WDPCP: variants seen among roughly 807,000 people sequenced by gnomAD.
WDPCP encodes the protein WD repeat-containing and planar cell polarity effector protein fritz homolog.
WDPCP carries 71 observed loss-of-function variants against 93.1 expected under a neutral mutation model. The observed-to-expected ratio is 0.76, with a 90% CI of 0.63 to 0.93. The LOEUF is 0.93. Among genes scored for constraint, WDPCP ranks in the 40% least tolerant of loss-of-function variants. The pLI is 0.00. For missense variants in WDPCP, 844 were observed against 887.4 expected (o/e 0.95, Z 0.62); for synonymous variants, 315 against 315.0 (o/e 1.00, Z 0.00).
chr2:63,731,861 C>A (rs1339410546), intron 2 of WDPCP, among the ~76,000 whole-genome samples: 1 of 152,018 alleles, frequency 6.6e-6, no homozygotes, highest in African/African-American at 2.4e-5. Context: ...GGATAAGATA[C>A]CAAAGGAAGG....
rs62138763 is a variant in WDPCP at position 63,744,232 on chromosome 2, G to A, written n.308+69390C>T. 7.2e-3 allele frequency among the ~76,000 whole-genome samples: 1,092 copies of A among 152,200 alleles called. 7 individuals carry two copies. The highest frequency in any genetic ancestry group is 0.014 in the Middle Eastern group (4 of 294). On this transcript the variant is annotated intron_variant and non_coding_transcript_variant, in intron 2 of 4. Transcript: ENST00000467687. ...TTTACAGCTTCAGTTTAAGGAAATG[G>A]TGCCTTCTTCTTTGTTTCCAATATA...
chr2:63,127,419 G>A (rs911365439), intron 17 of WDPCP, among the ~76,000 whole-genome samples: 22 of 151,616 alleles, frequency 1.5e-4, no homozygotes, highest in East Asian at 5.8e-4. Flanking sequence ...CACCGCACCC[G>A]GCCTGAAAAT....
At chr2:63,717,303 AG>A in intron 2 of WDPCP, 1 of 535,996 alleles carries the variant, frequency 1.9e-6, no homozygotes, top group East Asian at 4.9e-5. Context: ...AGATGGTGGC[AG>A]GCCAAATCAC....
At chr2:63,751,755 T>G (rs1669886241) in intron 2 of WDPCP, 1 of 585,180 alleles carries the variant, frequency 1.7e-6, no homozygotes, top group Non-Finnish European at 3.2e-6. Context: ...ACCTTGGTTT[T>G]GTGGTTTGGC....
At chr2:63,386,212 T>G (rs1360431370) in intron 10 of WDPCP, among the ~76,000 whole-genome samples, 1 of 152,026 alleles carries the variant, frequency 6.6e-6, no homozygotes, top group Non-Finnish European at 1.5e-5. Flanking sequence ...GAACTGAATT[T>G]CATTAAAATT....
the WDPCP span, among the ~76,000 whole-genome samples, chr2:63,839,629 G>C: frequency 2.0e-5 from 3 of 152,254 alleles, no homozygotes; most frequent in Non-Finnish European, 4.4e-5. Context: ...TGCAGGCTAA[G>C]TAACCCTACG....
chr2:63,157,703 C>T (rs941110743), intron 15 of WDPCP, among the ~76,000 whole-genome samples: 1 of 152,170 alleles, frequency 6.6e-6, no homozygotes, highest in African/African-American at 2.4e-5. Context: ...TTTTTATCTA[C>T]TTAATGTCGG....
intron 12 of WDPCP, among the ~76,000 whole-genome samples, chr2:63,348,089 CACTT>C (rs1283983289): frequency 1.3e-5 from 2 of 152,132 alleles, no homozygotes; most frequent in African/African-American, 4.8e-5. Flanking sequence ...TAATAGCTAT[CACTT>C]ACAAAGTACT....
At chr2:63,769,268 T>C (rs923823947) in intron 2 of WDPCP, among the ~76,000 whole-genome samples, 1 of 151,868 alleles carries the variant, frequency 6.6e-6, no homozygotes, top group Non-Finnish European at 1.5e-5. Context: ...ATAGTAATAA[T>C]GCAACTGTCT....
At chr2:63,372,555 T>A (rs1388539438) in intron 12 of WDPCP, among the ~76,000 whole-genome samples, 2 of 152,146 alleles carry the variant, frequency 1.3e-5, no homozygotes, top group East Asian at 3.9e-4. Flanking sequence ...TAGTCTCCAC[T>A]TGTTGGACTC....
intron 12 of WDPCP, among the ~76,000 whole-genome samples, chr2:63,352,776 G>A (rs1294954881): frequency 2.0e-5 from 3 of 152,120 alleles, no homozygotes; most frequent in Non-Finnish European, 4.4e-5. Context: ...ATACATAAAG[G>A]AATGACACAT....
intron 12 of WDPCP, among the ~76,000 whole-genome samples, chr2:63,339,223 G>C (rs553530378): frequency 6.6e-6 from 1 of 151,970 alleles, no homozygotes; most frequent in Non-Finnish European, 1.5e-5. Context: ...ACCCAGGCTA[G>C]AGGGCAGTGG....
intron 2 of WDPCP, among the ~76,000 whole-genome samples, chr2:63,687,169 C>T (rs902599472): frequency 2.0e-5 from 3 of 152,130 alleles, no homozygotes; most frequent in Non-Finnish European, 1.5e-5. Context: ...GCATGCAGCC[C>T]AAGGGCCATG....
chr2:63,670,269 C>T (rs1710329699), intron 2 of WDPCP, among the ~76,000 whole-genome samples: 1 of 152,300 alleles, frequency 6.6e-6, no homozygotes, highest in Middle Eastern at 3.4e-3. Flanking sequence ...AGTTCTGCTG[C>T]AGTCGTGGCG....
At position 63,588,153 on chromosome 2, in the gene WDPCP, C is replaced by T. The variant is rs1474241825; in HGVS notation, c.75+44G>A. The T allele has an allele frequency of 3.9e-6, 6 of 1,549,934 alleles. No individual in the cohort carries two copies. The Admixed American group carries it at 5.9e-5, about 15-fold the overall frequency. ...ACGGCGCACCAACCGCATTCCGGAT[C>T]CTAAGGTTAAAAGAAAACCCCTTGC... is the stretch of plus-strand genomic sequence containing the variant. On this transcript the variant is annotated intron_variant, in intron 1 of 17. Coordinates refer to ENST00000272321, the MANE Select transcript of WDPCP (RefSeq NM_015910.7).
intron 6 of WDPCP, among the ~76,000 whole-genome samples, chr2:63,466,790 A>C (rs1699371460): frequency 6.6e-6 from 1 of 152,232 alleles, no homozygotes; most frequent in Non-Finnish European, 1.5e-5. Flanking sequence ...TAACTGAATA[A>C]ATATGAGAAA....
chr2:63,814,357 A>T (rs1670901966), intron 1 of WDPCP, among the ~76,000 whole-genome samples: 1 of 152,214 alleles, frequency 6.6e-6, no homozygotes, highest in Non-Finnish European at 1.5e-5. Flanking sequence ...GTTTGAAAAA[A>T]AAAAAGCAGA....
intron 13 of WDPCP, among the ~76,000 whole-genome samples, chr2:63,285,615 T>C (rs1047328810): frequency 6.6e-6 from 1 of 152,088 alleles, no homozygotes; most frequent in Admixed American, 6.5e-5. Context: ...GAAATGCCTA[T>C]ATTAATAAAG....
chr2:63,634,494 C>T (rs898439777), intron 3 of WDPCP, among the ~76,000 whole-genome samples: 1 of 152,188 alleles, frequency 6.6e-6, no homozygotes, highest in African/African-American at 2.4e-5. Flanking sequence ...AAATATTGTA[C>T]TTGAACTACA....
Sources: allele counts gnomAD v4.1 joint callset (sites outside exome capture counted in the v4.1 genomes callset), GRCh38; gene constraint gnomAD v4.1.1; transcripts MANE v1.5; gene names NCBI Gene and HGNC (gene_info 2026-07-23, HGNC 2026-07-21).